The following GRIP2 variants were observed in gnomAD, a reference collection of about 807,000 sequenced individuals.
GRIP2 encodes glutamate receptor interacting protein 2.
A neutral mutation model predicts 108.3 loss-of-function variants in GRIP2; 58 were observed. The ratio of observed to expected loss-of-function variants is 0.54; its 90% CI spans 0.43 to 0.67. GRIP2 has a LOEUF of 0.67. GRIP2 is among the 30% of genes least tolerant of loss of function. GRIP2 has a pLI of 0.00. For missense variants in GRIP2, 1,278 were observed against 1,430.6 expected, an observed-to-expected ratio of 0.89 and a Z score of 1.72; for synonymous variants, 586 against 598.2, an observed-to-expected ratio of 0.98 and a Z score of 0.30.
Position 14,514,447 on chromosome 3 carries a change from G to A in GRIP2, c.1338C>T (p.Gly446=), listed in dbSNP as rs369536236. 38 of 1,577,754 alleles carry A rather than the reference G, an allele frequency of 2.4e-5. No individual in the cohort carries two copies. Among genetic ancestry groups the A allele is most frequent in the Middle Eastern group, 2.2e-4 (1 of 4,598 alleles). The change falls in exon 12 of 24, where the codon GGC becomes GGT. Residue 446 remains glycine, a synonymous_variant. Transcript: ENST00000621039. The part of the protein sequence containing the change: ...LSLASSTVGP[G]GQIVHTETTE... ...TGGTCTCCGTGTGCACAATCTGCCC[G>A]CCCGGCCCCACCGTGCTGGAGGCTA...
chr3:14,586,750 T>C, the GRIP2 span, among the ~76,000 whole-genome samples: 2 of 152,226 alleles, frequency 1.3e-5, no homozygotes, highest in South Asian at 2.1e-4. Flanking sequence ...TAAGTCTTAC[T>C]GCAGCCTTAT....
chr3:14,586,454 G>A, the GRIP2 span, among the ~76,000 whole-genome samples: 34 of 152,360 alleles, frequency 2.2e-4, 1 homozygote, highest in South Asian at 1.9e-3. Context: ...CCAGGAGGCA[G>A]GCAGGAGAGG....
chr3:14,586,555 C>T, the GRIP2 span, among the ~76,000 whole-genome samples: 78 of 152,276 alleles, frequency 5.1e-4, 1 homozygote, highest in Middle Eastern at 6.8e-3. Flanking sequence ...GGGTTAGGGG[C>T]ACTTCCCAGA....
chr3:14,558,428 G>A (rs1695269007), upstream of GRIP2, among the ~76,000 whole-genome samples: 1 of 152,174 alleles, frequency 6.6e-6, no homozygotes, highest in African/African-American at 2.4e-5. Flanking sequence ...TCTGGCTGTG[G>A]ATGAGGCCGC....
chr3:14,543,126 T>A (rs1054760972), upstream of GRIP2, among the ~76,000 whole-genome samples: 1 of 152,212 alleles, frequency 6.6e-6, no homozygotes, highest in East Asian at 1.9e-4. Context: ...AAATCCCACA[T>A]GACTAAGTGA....
chr3:14,497,443 C>A (rs1178821975), intron 21 of GRIP2, among the ~76,000 whole-genome samples: 1 of 152,146 alleles, frequency 6.6e-6, no homozygotes, highest in African/African-American at 2.4e-5. Context: ...ATTGAAAGGA[C>A]AAGGACGAAG....
At chr3:14,500,577 A>G (rs1051631197) in intron 21 of GRIP2, among the ~76,000 whole-genome samples, 1 of 152,252 alleles carries the variant, frequency 6.6e-6, no homozygotes. Flanking sequence ...TAATATCTTC[A>G]AAGCCCTGAG....
At chr3:14,496,760 A>G (rs903596898) in intron 21 of GRIP2, among the ~76,000 whole-genome samples, 200 bp from the exon 22 acceptor site, 2 of 152,222 alleles carry the variant, frequency 1.3e-5, no homozygotes, top group African/African-American at 4.8e-5. Context: ...TGAGAACAAT[A>G]ATCACTGGCA....
chr3:14,519,029 A>G (rs1018643447), intron 9 of GRIP2, among the ~76,000 whole-genome samples: 1 of 152,248 alleles, frequency 6.6e-6, no homozygotes, highest in Non-Finnish European at 1.5e-5. Flanking sequence ...GTGGGAGGAC[A>G]GTAAGACTAA....
chr3:14,544,511 C>T (rs1052684363), upstream of GRIP2, among the ~76,000 whole-genome samples: 55 of 152,294 alleles, frequency 3.6e-4, no homozygotes, highest in African/African-American at 1.3e-3. Flanking sequence ...TCTCTGACTC[C>T]AGGGCTGAGT....
chr3:14,530,078 C>T (rs1694669614), intron 1 of GRIP2, among the ~76,000 whole-genome samples: 1 of 152,140 alleles, frequency 6.6e-6, no homozygotes, highest in Non-Finnish European at 1.5e-5. Context: ...AAACAAGGGG[C>T]ACACCTTAGA....
At chr3:14,572,446 A>T in the GRIP2 span, among the ~76,000 whole-genome samples, 1 of 150,894 alleles carries the variant, frequency 6.6e-6, no homozygotes, top group Non-Finnish European at 1.5e-5. Context: ...CCCCGTCTCT[A>T]CTAAAAATAC....
chr3:14,516,075 C>A (rs1265865817), intron 11 of GRIP2, among the ~76,000 whole-genome samples: 1 of 152,080 alleles, frequency 6.6e-6, no homozygotes, highest in African/African-American at 2.4e-5. Flanking sequence ...AGGAAGGAGA[C>A]AGGCAGAGGA....
the GRIP2 span, chr3:14,572,977 G>A: frequency 6.7e-7 from 1 of 1,482,288 alleles, no homozygotes; most frequent in Non-Finnish European, 9.4e-7. Context: ...CCAGCCAGGA[G>A]GCCCAGGAAG....
Position 14,517,896 on chromosome 3 carries a change from C to T in GRIP2, c.1032G>A (p.Val344=). Residue 344 remains valine, a splice_region_variant and synonymous_variant, in exon 10 of 24, where the codon GTG becomes GTA. Coordinates refer to ENST00000621039, the MANE Select transcript of GRIP2 (RefSeq NM_001080423.4). Reference sequence around the variant, plus strand: ...GCAGCTGCTCACTCCTCTGCACTTTCACTGTAGCCAGCGGAGAAAGAGGAA... The same window carrying T: ...GCAGCTGCTCACTCCTCTGCACTTTTACTGTAGCCAGCGGAGAAAGAGGAA... ...SQRPLRPSEA[V]KVQRSEQLHR... 6.4e-7 allele frequency: 1 copy of T among 1,557,206 alleles called. No individual in the cohort carries two copies. The highest frequency in any genetic ancestry group is 8.7e-7 in the Non-Finnish European group (1 of 1,150,522).
intron 10 of GRIP2, 65 bp from the exon 11 acceptor site, chr3:14,517,278 G>T (rs1468812104): frequency 1.4e-6 from 2 of 1,460,516 alleles, no homozygotes; most frequent in East Asian, 2.5e-5. Flanking sequence ...CACACAGTGG[G>T]TGCTGGGAAG....
At chr3:14,503,962 A>G (rs906252697) in intron 20 of GRIP2, 1 of 442,342 alleles carries the variant, frequency 2.3e-6, no homozygotes, top group Non-Finnish European at 4.1e-6. Context: ...GCCTAGGAAG[A>G]GAGACAGAGG....
At chr3:14,564,794 G>A in the GRIP2 span, among the ~76,000 whole-genome samples, 3 of 152,332 alleles carry the variant, frequency 2.0e-5, no homozygotes, top group East Asian at 5.8e-4. Flanking sequence ...CCCCACCACA[G>A]GGGGCCTGAT....
Position 14,503,676 on chromosome 3 carries a change from A to G in GRIP2, c.2574-5T>C. ...CGGGCAGGGCCAGGGGCTGGGCTGTAACGTAGGAACCAGAGAGCGTCAACT... is the reference window on the plus strand; with the variant it reads ...CGGGCAGGGCCAGGGGCTGGGCTGTGACGTAGGAACCAGAGAGCGTCAACT... On this transcript the variant is annotated splice_region_variant and splice_polypyrimidine_tract_variant and intron_variant, in intron 20 of 23. Transcript: ENST00000621039. 6.6e-7 allele frequency: 1 copy of G among 1,505,012 alleles called. No individual in the cohort carries two copies. 93.2% of individuals were successfully genotyped at this position (1,505,012 alleles called of 1,614,324 possible). A position where few individuals can be genotyped will look rare whatever the true frequency, so the allele number is the denominator to read the frequency against.
Sources: gnomAD v4.1 joint callset for allele counts (sites outside exome capture counted in the v4.1 genomes callset) on GRCh38, gnomAD v4.1.1 for gene constraint, MANE v1.5 for transcripts, NCBI Gene and HGNC (gene_info 2026-07-23, HGNC 2026-07-21) for gene names.